Variants in ITFG1 observed in about 807,000 individuals in gnomAD.
The protein encoded by ITFG1 is T-cell immunomodulatory protein.
A neutral mutation model predicts 81.8 loss-of-function variants in ITFG1; 34 were observed. That is an observed-to-expected ratio of 0.42 (90% CI 0.32 to 0.55). The LOEUF (loss-of-function observed/expected upper bound fraction) is 0.55, where lower values mean the gene tolerates loss of function less well. Among genes scored for constraint, ITFG1 ranks in the 20% least tolerant of loss-of-function variants. The pLI, the probability that ITFG1 is intolerant of heterozygous loss-of-function variation, is 0.17. For missense variants in ITFG1, 672 were observed against 755.4 expected, an observed-to-expected ratio of 0.89 and a Z score of 1.29; for synonymous variants, 285 against 270.6, an observed-to-expected ratio of 1.05 and a Z score of -0.52.
intron 5 of ITFG1, among the ~76,000 whole-genome samples, chr16:47,429,942 C>T (rs1328656500): frequency 6.6e-6 from 1 of 151,722 alleles, no homozygotes; most frequent in Non-Finnish European, 1.5e-5. Context: ...GATTATAAGA[C>T]CATTACCCTC....
chr16:47,450,395 G>T (rs1313959003), intron 5 of ITFG1: 1 of 385,674 alleles, frequency 2.6e-6, no homozygotes, highest in South Asian at 1.9e-5. Context: ...CACTAACCAG[G>T]TCTGACCTTG....
At chr16:47,368,121 A>C (rs1968200876) in intron 7 of ITFG1, among the ~76,000 whole-genome samples, 1 of 151,766 alleles carries the variant, frequency 6.6e-6, no homozygotes, top group African/African-American at 2.4e-5. Context: ...GTAGTCCCAG[A>C]TACTCAGGAG....
chr16:47,225,378 A>T (rs1392043694), intron 13 of ITFG1, among the ~76,000 whole-genome samples: 1 of 152,186 alleles, frequency 6.6e-6, no homozygotes, highest in Non-Finnish European at 1.5e-5. Context: ...AATAATGGCT[A>T]AAACTATCTA....
At chr16:47,280,657 A>C (rs921130217) in intron 10 of ITFG1, among the ~76,000 whole-genome samples, 3 of 152,098 alleles carry the variant, frequency 2.0e-5, no homozygotes, top group African/African-American at 7.2e-5. Flanking sequence ...ATCTATCTTG[A>C]GTTTATGCTA....
intron 14 of ITFG1, among the ~76,000 whole-genome samples, chr16:47,179,500 GTGAGGGGAT>G (rs1965073569): frequency 6.6e-6 from 1 of 152,166 alleles, no homozygotes; most frequent in Admixed American, 6.5e-5. Context: ...GGATTTTATT[GTGAGGGGAT>G]TGAAATGTTC....
chr16:47,238,150 C>A (rs1965896695), intron 12 of ITFG1, 142 bp from the exon 13 acceptor site: 3 of 569,084 alleles, frequency 5.3e-6, no homozygotes, highest in Non-Finnish European at 9.3e-6. Flanking sequence ...TAGATCTGAG[C>A]AAATTAAAGT....
chr16:47,268,475 A>T (rs1164373145), intron 10 of ITFG1, among the ~76,000 whole-genome samples: 1 of 152,252 alleles, frequency 6.6e-6, no homozygotes, highest in Non-Finnish European at 1.5e-5. Flanking sequence ...TTTAGAAAAT[A>T]GATGAGAAAG....
chr16:47,155,556 C>G lies in ITFG1; in HGVS notation c.*163G>C, dbSNP rs1038394713. On this transcript the variant is annotated 3_prime_UTR_variant, in exon 18 of 18. Coordinates refer to ENST00000320640, the MANE Select transcript of ITFG1 (RefSeq NM_030790.5). ...TACAAAGTGCTTTAAAAAAAAAGAC[C>G]TTGTGACATATTCAAACCATATTTA... 1.9e-6 allele frequency: 1 copy of G among 532,586 alleles called. No homozygotes were observed. Among genetic ancestry groups the G allele is most frequent in the African/African-American group, 2.0e-5 (1 of 50,654 alleles). 33.0% of individuals were successfully genotyped at this position (532,586 alleles called of 1,614,324 possible).
intron 3 of ITFG1, among the ~76,000 whole-genome samples, 177 bp downstream of exon 3, chr16:47,453,836 G>A (rs774902931): frequency 6.6e-6 from 1 of 152,168 alleles, no homozygotes; most frequent in Admixed American, 6.5e-5. Flanking sequence ...GTCAGTAGAA[G>A]TGATCCCTGC....
At position 47,195,715 on chromosome 16, in the gene ITFG1, ACTTT is replaced by A. The variant is rs1421893027; in HGVS notation, c.1453+23149_1453+23152del. On this transcript the variant is annotated intron_variant, in intron 14 of 17. Coordinates refer to ENST00000320640, the MANE Select transcript of ITFG1 (RefSeq NM_030790.5). ...GTCTGATAGCCTTTATTTCTCCCTC[ACTTT>A]CTTTTTGTTGTTGTTGTTGTTTTAA... Among the ~76,000 whole-genome samples the A allele has an allele frequency of 3.3e-5, 5 of 152,000 alleles. No individual in the cohort carries two copies. In the East Asian group the frequency reaches 9.7e-4, roughly 29 times the overall value.
intron 8 of ITFG1, among the ~76,000 whole-genome samples, chr16:47,320,390 C>T (rs1249689150): frequency 6.6e-6 from 1 of 152,058 alleles, no homozygotes; most frequent in Non-Finnish European, 1.5e-5. Flanking sequence ...AACTCTGTTT[C>T]CCCCACCCAC....
At chr16:47,189,294 C>A (rs1406595949) in intron 14 of ITFG1, among the ~76,000 whole-genome samples, 1 of 152,116 alleles carries the variant, frequency 6.6e-6, no homozygotes, top group Admixed American at 6.5e-5. Flanking sequence ...CAAGGCTGTG[C>A]AACTGACACC....
At chr16:47,169,264 C>A (rs1434564792) in intron 14 of ITFG1, among the ~76,000 whole-genome samples, 1 of 152,114 alleles carries the variant, frequency 6.6e-6, no homozygotes, top group East Asian at 1.9e-4. Context: ...TGCAAACAGA[C>A]CACTTGAATC....
At chr16:47,322,890 C>A (rs746865591) in intron 8 of ITFG1, among the ~76,000 whole-genome samples, 1 of 152,148 alleles carries the variant, frequency 6.6e-6, no homozygotes, top group Non-Finnish European at 1.5e-5. Context: ...TTTGTGAATA[C>A]TTGGCCATCA....
At chr16:47,169,873 G>C (rs1460841119) in intron 14 of ITFG1, among the ~76,000 whole-genome samples, 4 of 152,086 alleles carry the variant, frequency 2.6e-5, no homozygotes, top group Non-Finnish European at 5.9e-5. Context: ...TTCCTAGTTT[G>C]CTGAGTGTTT....
chr16:47,233,945 C>T (rs1965844116), intron 13 of ITFG1, among the ~76,000 whole-genome samples: 1 of 152,162 alleles, frequency 6.6e-6, no homozygotes, highest in Non-Finnish European at 1.5e-5. Flanking sequence ...AAAACAAGGA[C>T]ACTAGAGGAA....
chr16:47,226,276 C>G (rs999491611), intron 13 of ITFG1, among the ~76,000 whole-genome samples: 1 of 152,210 alleles, frequency 6.6e-6, no homozygotes, highest in African/African-American at 2.4e-5. Flanking sequence ...GCGGTGCAAT[C>G]TGGGCTCACT....
At chr16:47,184,337 A>G (rs899362784) in intron 14 of ITFG1, among the ~76,000 whole-genome samples, 2 of 152,322 alleles carry the variant, frequency 1.3e-5, no homozygotes, top group South Asian at 2.1e-4. Flanking sequence ...CAGATTCACC[A>G]AAGTGGAAAT....
intron 14 of ITFG1, among the ~76,000 whole-genome samples, chr16:47,188,314 G>GT (rs1465764718): frequency 2.0e-5 from 3 of 152,088 alleles, no homozygotes; most frequent in Non-Finnish European, 4.4e-5. Context: ...ACATGTGCAC[G>GT]TATGTTTATT....
Sources: gnomAD v4.1 joint callset for allele counts (sites outside exome capture counted in the v4.1 genomes callset) on GRCh38, gnomAD v4.1.1 for gene constraint, MANE v1.5 for transcripts, NCBI Gene and HGNC (gene_info 2026-07-23, HGNC 2026-07-21) for gene names.